The following SH3GL2 variants were observed in gnomAD, a reference collection of about 807,000 sequenced individuals.
SH3GL2 encodes endophilin-A1.
SH3GL2 carries 24 observed loss-of-function variants against 46.0 expected under a neutral mutation model. The observed-to-expected ratio is 0.52, with a 90% confidence interval of 0.38 to 0.73. The LOEUF (loss-of-function observed/expected upper bound fraction) is 0.73. SH3GL2 is among the 30% of genes least tolerant of loss of function. SH3GL2 has a pLI of 0.00. For synonymous variants in SH3GL2, 196 were observed against 147.1 expected, an observed-to-expected ratio of 1.33 and a Z score of -2.40; for missense variants, 413 against 424.2, an observed-to-expected ratio of 0.97 and a Z score of 0.23.
chr9:17,770,757 A>G (rs1823454763), intron 3 of SH3GL2, among the ~76,000 whole-genome samples: 1 of 152,180 alleles, frequency 6.6e-6, no homozygotes, highest in African/African-American at 2.4e-5. Context: ...ATGTCAAGGA[A>G]CTGGGGGTAG....
chr9:17,690,102 C>A (rs3780234), intron 1 of SH3GL2, among the ~76,000 whole-genome samples: 73,976 of 151,824 alleles, frequency 0.49, 18,353 homozygotes, highest in Admixed American at 0.59. Flanking sequence ...CTTTTTGTGC[C>A]TGTATGAGAC....
chr9:17,746,246 T>G (rs929182042), intron 1 of SH3GL2, among the ~76,000 whole-genome samples: 3 of 152,098 alleles, frequency 2.0e-5, no homozygotes, highest in South Asian at 4.1e-4. Flanking sequence ...CAGCTAATTT[T>G]TTTGTATTTT....
At chr9:17,725,543 C>T (rs1362698939) in intron 1 of SH3GL2, among the ~76,000 whole-genome samples, 1 of 152,108 alleles carries the variant, frequency 6.6e-6, no homozygotes, top group Admixed American at 6.6e-5. Flanking sequence ...AAGGGGAGCT[C>T]CCTCTGTCCT....
intron 3 of SH3GL2, among the ~76,000 whole-genome samples, chr9:17,772,843 A>G (rs1393333080): frequency 6.6e-6 from 1 of 152,144 alleles, no homozygotes; most frequent in African/African-American, 2.4e-5. Context: ...GCTTTCAATT[A>G]TTTTGGGTAG....
chr9:17,773,840 C>T lies in SH3GL2; in HGVS notation c.187+12331C>T, dbSNP rs56887575. Among the ~76,000 whole-genome samples, 507 of 152,110 alleles carry T rather than the reference C, an allele frequency of 3.3e-3. 3 individuals are homozygous for T. The highest frequency in any genetic ancestry group is 0.012 in the African/African-American group (484 of 41,510). ...ATTTCCATTTCTACAAAAAATGTTA[C>T]TGAGACTTTGATAGGGATTGCATTG... On this transcript the variant is annotated intron_variant, in intron 3 of 8. Transcript: ENST00000380607.
chr9:17,736,011 T>C (rs796378978), intron 1 of SH3GL2, among the ~76,000 whole-genome samples: 5 of 152,178 alleles, frequency 3.3e-5, no homozygotes, highest in African/African-American at 1.2e-4. Context: ...AGCATAAGCC[T>C]GCATTGTTGG....
At chr9:17,742,897 T>A (rs941503617) in intron 1 of SH3GL2, among the ~76,000 whole-genome samples, 2 of 152,240 alleles carry the variant, frequency 1.3e-5, no homozygotes, top group Non-Finnish European at 2.9e-5. Flanking sequence ...TCACTTGTTC[T>A]GTTTGATTCG....
chr9:17,790,794 C>T (rs749912520), intron 6 of SH3GL2, among the ~76,000 whole-genome samples: 2 of 152,114 alleles, frequency 1.3e-5, no homozygotes, highest in African/African-American at 2.4e-5. Context: ...GTCGCCTCTC[C>T]GGGTACATTA....
intron 1 of SH3GL2, among the ~76,000 whole-genome samples, chr9:17,633,258 C>T (rs1051723332): frequency 6.6e-6 from 1 of 152,150 alleles, no homozygotes; most frequent in African/African-American, 2.4e-5. Context: ...TGGGTACCTG[C>T]CCTTCTTGGC....
chr9:17,771,374 A>T (rs1471508516), intron 3 of SH3GL2, among the ~76,000 whole-genome samples: 4 of 152,174 alleles, frequency 2.6e-5, no homozygotes, highest in African/African-American at 9.7e-5. Context: ...GACTCAAGAA[A>T]TATTATGCAC....
At chr9:17,781,399 A>G (rs1260904674) in intron 3 of SH3GL2, among the ~76,000 whole-genome samples, 9 of 142,532 alleles carry the variant, frequency 6.3e-5, no homozygotes, top group Admixed American at 1.4e-4. Flanking sequence ...TCAGATGAGT[A>G]GGTTGCGAAA....
intron 1 of SH3GL2, among the ~76,000 whole-genome samples, chr9:17,730,780 T>C (rs985956825): frequency 1.4e-5 from 2 of 142,336 alleles, no homozygotes; most frequent in Non-Finnish European, 3.0e-5. Context: ...CGTGAATTGA[T>C]GGTAATTCAA....
intron 1 of SH3GL2, among the ~76,000 whole-genome samples, chr9:17,683,486 A>G (rs2118063912): frequency 6.6e-6 from 1 of 152,136 alleles, no homozygotes; most frequent in Middle Eastern, 3.4e-3. Context: ...GGAACAGGAA[A>G]ATTGCTGTAC....
intron 4 of SH3GL2, among the ~76,000 whole-genome samples, chr9:17,786,962 C>T (rs1234745085): frequency 6.6e-6 from 1 of 152,174 alleles, no homozygotes; most frequent in East Asian, 1.9e-4. Flanking sequence ...TATTCCTTCA[C>T]CCTGTCTCCC....
At chr9:17,693,283 T>G (rs1377826591) in intron 1 of SH3GL2, among the ~76,000 whole-genome samples, 1 of 152,178 alleles carries the variant, frequency 6.6e-6, no homozygotes, top group Non-Finnish European at 1.5e-5. Context: ...TGGTGATTTT[T>G]TCTCCAGTGG....
chr9:17,644,596 G>C (rs1178368835), intron 1 of SH3GL2, among the ~76,000 whole-genome samples: 1 of 152,182 alleles, frequency 6.6e-6, no homozygotes, highest in Non-Finnish European at 1.5e-5. Flanking sequence ...TAGTCATTCA[G>C]GAGCAGGTTG....
At chr9:17,779,670 T>A (rs908883390) in intron 3 of SH3GL2, among the ~76,000 whole-genome samples, 3 of 152,204 alleles carry the variant, frequency 2.0e-5, no homozygotes, top group Non-Finnish European at 4.4e-5. Context: ...TCTTGAATTT[T>A]GTTTCATCTT....
intron 1 of SH3GL2, among the ~76,000 whole-genome samples, chr9:17,679,390 A>G (rs1187522734): frequency 6.6e-6 from 1 of 152,098 alleles, no homozygotes; most frequent in Non-Finnish European, 1.5e-5. Flanking sequence ...TTCTCTTTGA[A>G]GCAACTTTGA....
chr9:17,729,227 G>T (rs1278826487), intron 1 of SH3GL2, among the ~76,000 whole-genome samples: 1 of 152,122 alleles, frequency 6.6e-6, no homozygotes, highest in Non-Finnish European at 1.5e-5. Context: ...GTGATGATGA[G>T]CTTTTTTTCA....
Sources: gnomAD v4.1 joint callset for allele counts (sites outside exome capture counted in the v4.1 genomes callset) on GRCh38, gnomAD v4.1.1 for gene constraint, MANE v1.5 for transcripts, NCBI Gene and HGNC (gene_info 2026-07-23, HGNC 2026-07-21) for gene names.